Variants in RIMS2 observed in about 807,000 individuals in gnomAD.
RIMS2 encodes the protein regulating synaptic membrane exocytosis 2.
In RIMS2, 59 loss-of-function variants were observed where a neutral mutation model predicts 174.4. The ratio of observed to expected loss-of-function variants is 0.34; its 90% confidence interval spans 0.27 to 0.42. RIMS2 has a LOEUF of 0.42. Among genes scored for constraint, RIMS2 ranks in the 10% least tolerant of loss-of-function variants. RIMS2 has a pLI of 1.00. For synonymous variants in RIMS2, 606 were observed against 572.5 expected, an observed-to-expected ratio of 1.06 and a Z score of -0.84; for missense variants, 1,620 against 1,666.3, an observed-to-expected ratio of 0.97 and a Z score of 0.48.
exon 4 of RIMS2, chr8:103,885,604 T>G: frequency 6.2e-7 from 1 of 1,613,082 alleles, no homozygotes; most frequent in Non-Finnish European, 8.5e-7. Flanking sequence ...GCTACCGAAG[T>G]GATCCGAATT....
chr8:103,540,765 G>T (rs1485293562), intron 1 of RIMS2, among the ~76,000 whole-genome samples: 1 of 151,970 alleles, frequency 6.6e-6, no homozygotes, highest in East Asian at 1.9e-4. Context: ...CATTCAACAA[G>T]ATCAAGAAAA....
At chr8:103,943,295 T>A (rs2082968151) in intron 14 of RIMS2, among the ~76,000 whole-genome samples, 1 of 152,134 alleles carries the variant, frequency 6.6e-6, no homozygotes, top group Non-Finnish European at 1.5e-5. Context: ...ATTTCCTCCT[T>A]TATTATTCTA....
intron 19 of RIMS2, among the ~76,000 whole-genome samples, chr8:104,102,662 T>C (rs2097925093): frequency 6.6e-6 from 1 of 152,072 alleles, no homozygotes; most frequent in Non-Finnish European, 1.5e-5. Flanking sequence ...ATGGAGGAAG[T>C]TCAGTGAAGG....
Position 103,968,014 on chromosome 8 carries a change from C to A in RIMS2, c.2770+6881C>A, listed in dbSNP as rs183922857. On this transcript the variant is annotated intron_variant, in intron 15 of 23. Transcript: ENST00000504942. ...TAGCTGAGACTACAGGCACATGCCACCACATCTGGCTAATTTTTGTATTTT... is the reference window on the plus strand; with the variant it reads ...TAGCTGAGACTACAGGCACATGCCAACACATCTGGCTAATTTTTGTATTTT... Among the ~76,000 whole-genome samples the A allele has an allele frequency of 5.6e-3, 859 of 152,128 alleles. 9 individuals carry two copies. The highest frequency in any genetic ancestry group is 0.023 in the South Asian group (113 of 4,818).
In RIMS2 at chr8:103,910,319, AG is replaced by A; in HGVS notation, c.1692+122del. ...TTTTTTTTTTTTATCCCATACCTGT[AG>A]GGGACAGTCAAAAGGGAAAAAGAAA... On this transcript the variant is annotated intron_variant, in intron 5 of 23. Transcript: ENST00000504942. 6.5e-7 allele frequency: 1 copy of A among 1,535,992 alleles called. No individual in the cohort carries two copies. Among genetic ancestry groups the A allele is most frequent in the Non-Finnish European group, 8.9e-7 (1 of 1,125,506 alleles).
At chr8:103,840,785 G>A (rs546496091) in intron 3 of RIMS2, among the ~76,000 whole-genome samples, 148 of 152,222 alleles carry the variant, frequency 9.7e-4, no homozygotes, top group African/African-American at 3.4e-3. Flanking sequence ...GAATGAAACG[G>A]TTCAAGAGCA....
At chr8:104,245,541 A>G (rs969123656) in intron 20 of RIMS2, among the ~76,000 whole-genome samples, 16 of 152,222 alleles carry the variant, frequency 1.1e-4, no homozygotes, top group African/African-American at 3.9e-4. Context: ...ATGCCACCAA[A>G]AAACTTGGGG....
rs114290606 is a variant in RIMS2, at chr8:104,232,703, A to G, written c.3335-12213A>G. ...AACTTCGGGAAAGTATATTCTGGCC[A>G]CTACCCTCATTGGAATGAAAGCCTA... is the stretch of plus-strand genomic sequence containing the variant. On this transcript the variant is annotated intron_variant, in intron 19 of 23. Coordinates refer to ENST00000504942, the Ensembl canonical transcript of RIMS2. Among the ~76,000 whole-genome samples, 1,506 of 152,310 alleles carry G rather than the reference A, an allele frequency of 9.9e-3. 21 individuals carry two copies. The highest frequency in any genetic ancestry group is 0.033 in the African/African-American group (1,357 of 41,566).
chr8:103,685,079 T>C (rs2096925297), intron 1 of RIMS2, among the ~76,000 whole-genome samples: 1 of 151,692 alleles, frequency 6.6e-6, no homozygotes, highest in Non-Finnish European at 1.5e-5. Flanking sequence ...GAGGTTTTTG[T>C]TTTTTACACA....
At chr8:103,536,981 T>G (rs1840093305) in intron 1 of RIMS2, among the ~76,000 whole-genome samples, 1 of 152,210 alleles carries the variant, frequency 6.6e-6, no homozygotes, top group South Asian at 2.1e-4. Flanking sequence ...ACTGATAAAT[T>G]AATTCTCTGA....
chr8:104,067,217 T>C (rs1411477129), intron 19 of RIMS2, among the ~76,000 whole-genome samples: 1 of 152,162 alleles, frequency 6.6e-6, no homozygotes, highest in African/African-American at 2.4e-5. Flanking sequence ...TATGTGTGTG[T>C]ATGTTGACAT....
chr8:103,603,866 C>T (rs1272434599), intron 1 of RIMS2, among the ~76,000 whole-genome samples: 6 of 148,056 alleles, frequency 4.1e-5, no homozygotes, highest in South Asian at 2.2e-4. Flanking sequence ...TCTTGTAAAT[C>T]TGTTTGAGTT....
intron 19 of RIMS2, among the ~76,000 whole-genome samples, chr8:104,096,421 G>A (rs2097763796): frequency 1.3e-5 from 2 of 152,114 alleles, no homozygotes; most frequent in African/African-American, 4.8e-5. Context: ...GGGAAAGATG[G>A]TACATTCTAG....
At chr8:103,940,890 A>T (rs2082382257) in intron 13 of RIMS2, among the ~76,000 whole-genome samples, 1 of 152,024 alleles carries the variant, frequency 6.6e-6, no homozygotes, top group African/African-American at 2.4e-5. Flanking sequence ...AAAAAAAAAA[A>T]AAGCTAAAAT....
At chr8:104,173,478 G>A (rs75952933) in intron 19 of RIMS2, among the ~76,000 whole-genome samples, 10,465 of 151,892 alleles carry the variant, frequency 0.069, 486 homozygotes, top group East Asian at 0.15. Context: ...TTATTTTATT[G>A]AAGTAATCTT....
chr8:104,247,542 G>A (rs1204831983), intron 20 of RIMS2, among the ~76,000 whole-genome samples: 1 of 152,178 alleles, frequency 6.6e-6, no homozygotes, highest in East Asian at 1.9e-4. Context: ...TTCAACATAA[G>A]AATTTTGGGG....
chr8:104,053,204 C>T (rs906693392), intron 19 of RIMS2, among the ~76,000 whole-genome samples: 1 of 152,072 alleles, frequency 6.6e-6, no homozygotes, highest in African/African-American at 2.4e-5. Flanking sequence ...TAATGAACCA[C>T]CAGTAAACCA....
At chr8:103,766,121 A>T in intron 2 of RIMS2, 106 bp from the exon 6 acceptor site, 2 of 666,070 alleles carry the variant, frequency 3.0e-6, no homozygotes, top group South Asian at 4.1e-5. Context: ...TTTTAACTTC[A>T]GAAGGATAAC....
In RIMS2 at chr8:104,195,776, G is replaced by A. The variant is rs149571172; in HGVS notation, c.3335-49140G>A. ...AGTCTGCCCACCTCAACCTCCCAAA[G>A]TACTGGGATTACAGGCATGAGCCAC... On this transcript the variant is annotated intron_variant, in intron 19 of 23. Coordinates refer to ENST00000504942, the Ensembl canonical transcript of RIMS2. 4.6e-3 allele frequency among the ~76,000 whole-genome samples: 694 copies of A among 152,178 alleles called. 8 individuals carry two copies. Among genetic ancestry groups the A allele is most frequent in the African/African-American group, 0.016 (652 of 41,526 alleles).
Sources: gnomAD v4.1 joint callset for allele counts (sites outside exome capture counted in the v4.1 genomes callset) on GRCh38, gnomAD v4.1.1 for gene constraint, MANE v1.5 for transcripts, NCBI Gene and HGNC (gene_info 2026-07-23, HGNC 2026-07-21) for gene names.